IL1RL1: variants seen among roughly 807,000 people sequenced by gnomAD.
IL1RL1 encodes interleukin 1 receptor like 1.
Under a neutral mutation model 50.9 loss-of-function variants are expected in IL1RL1, and 32 were observed. The observed-to-expected ratio is 0.63, with a 90% CI of 0.47 to 0.84. The LOEUF is 0.84. IL1RL1 is among the 40% of genes least tolerant of loss of function. The pLI is 0.00. For missense variants in IL1RL1, 773 were observed against 662.9 expected (o/e 1.17, Z -1.82); for synonymous variants, 275 against 236.0 (o/e 1.17, Z -1.51).
At chr2:102,329,756 C>CATCAGAGAAATGCA (rs1677120873) in intron 1 of IL1RL1, among the ~76,000 whole-genome samples, 1 of 152,146 alleles carries the variant, frequency 6.6e-6, no homozygotes, top group Non-Finnish European at 1.5e-5. Context: ...CATCACTGGC[C>CATCAGAGAAATGCA]ATCAGAGAAA....
intron 1 of IL1RL1, among the ~76,000 whole-genome samples, chr2:102,327,991 C>G (rs2104971486): frequency 6.6e-6 from 1 of 152,322 alleles, no homozygotes; most frequent in East Asian, 1.9e-4. Context: ...GGGAATCCTC[C>G]CTAACGCATT....
intron 1 of IL1RL1, among the ~76,000 whole-genome samples, chr2:102,313,920 A>G (rs10189202): frequency 0.48 from 72,727 of 152,046 alleles, 17,689 homozygotes; most frequent in Middle Eastern, 0.63. Flanking sequence ...TTCTAGAACA[A>G]AAATCTAACA....
chr2:102,343,661 A>G, intron 8 of IL1RL1: 1 of 1,390,776 alleles, frequency 7.2e-7, no homozygotes, highest in East Asian at 2.6e-5. Flanking sequence ...TGTCTAGAAC[A>G]CTCAGCTGCT....
chr2:102,322,413 C>A (rs898640641), intron 1 of IL1RL1, among the ~76,000 whole-genome samples: 5 of 152,120 alleles, frequency 3.3e-5, no homozygotes, highest in Non-Finnish European at 2.9e-5. Flanking sequence ...TGATCGAAAC[C>A]AGAATTATTC....
At chr2:102,348,975 A>G (rs1677858991) in intron 9 of IL1RL1, 104 bp from the exon 10 acceptor site, 6 of 804,264 alleles carry the variant, frequency 7.5e-6, no homozygotes, top group Non-Finnish European at 1.3e-5. Context: ...AGGATGACAT[A>G]CATTCACCAA....
At chr2:102,348,544 T>C (rs535657741) in intron 9 of IL1RL1, among the ~76,000 whole-genome samples, 1 of 152,196 alleles carries the variant, frequency 6.6e-6, no homozygotes, top group Non-Finnish European at 1.5e-5. Context: ...CACAAGCATG[T>C]GCATGAAAGG....
At chr2:102,338,093 G>GT (rs1677393931) in intron 1 of IL1RL1, 23 bp from the exon 2 acceptor site, 1 of 434,214 alleles carries the variant, frequency 2.3e-6, no homozygotes, top group African/African-American at 2.1e-5. Context: ...TCTGTTTATG[G>GT]TTTTGTCTAA....
At chr2:102,311,968 A>AT (rs1553659786) in intron 1 of IL1RL1, among the ~76,000 whole-genome samples, 7 of 27,662 alleles carry the variant, frequency 2.5e-4, no homozygotes, top group South Asian at 7.1e-4. Context: ...TATTATATAT[A>AT]ATATTATATA....
chr2:102,342,103 T>C lies in IL1RL1; in HGVS notation c.611-120T>C, dbSNP rs377288461. ...TGTGTGTGTGTTTGTCATTATGGGT[T>C]ATTGTCAGAAGAACTTGAAAAACAT... On this transcript the variant is annotated intron_variant, in intron 5 of 10. Coordinates refer to ENST00000233954, the MANE Select transcript of IL1RL1 (RefSeq NM_016232.5). 2.9e-4 allele frequency: 175 copies of C among 602,946 alleles called. 2 individuals carry two copies. The East Asian group carries it at 4.3e-3, about 15-fold the overall frequency. 37.3% of individuals were successfully genotyped at this position (602,946 alleles called of 1,614,324 possible).
intron 1 of IL1RL1, among the ~76,000 whole-genome samples, chr2:102,312,002 T>TATATAATATATA (rs796738532): frequency 2.5e-4 from 7 of 28,534 alleles, no homozygotes; most frequent in African/African-American, 8.9e-4. Flanking sequence ...ATATAATATA[T>TATATAATATATA]TTATATATAT....
chr2:102,318,893 C>T (rs115550781), intron 1 of IL1RL1, among the ~76,000 whole-genome samples: 1 of 152,112 alleles, frequency 6.6e-6, no homozygotes, highest in Non-Finnish European at 1.5e-5. Context: ...ATAATTTAAA[C>T]TAATTATTAA....
intron 1 of IL1RL1, among the ~76,000 whole-genome samples, chr2:102,314,415 G>A (rs1390756469): frequency 2.6e-5 from 4 of 152,200 alleles, no homozygotes; most frequent in Non-Finnish European, 5.9e-5. Flanking sequence ...TGAGCCCTGG[G>A]TAGAAAGGGA....
chr2:102,340,770 A>G lies in IL1RL1; in HGVS notation c.552A>G (p.Ile184Met). 1.9e-6 allele frequency: 3 copies of G among 1,591,726 alleles called. No homozygotes were observed. The highest frequency in any genetic ancestry group is 2.6e-6 in the Non-Finnish European group (3 of 1,173,538). Residue 184 changes from isoleucine to methionine, a missense_variant, in exon 5 of 11, where the codon ATA becomes ATG. Physicochemically the swap from Ile to Met is conservative, Grantham distance 10 (BLOSUM62 1). Coordinates refer to ENST00000233954, the MANE Select transcript of IL1RL1 (RefSeq NM_016232.5). ...CAGGTGATTACACCTGTAAATTTATACACAATGAAAATGGAGCCAATTATA... is the reference window on the plus strand; with the variant it reads ...CAGGTGATTACACCTGTAAATTTATGCACAATGAAAATGGAGCCAATTATA... ...EDAGDYTCKF[I>M]HNENGANYSV...
chr2:102,334,419 A>G (rs374715078), intron 1 of IL1RL1, among the ~76,000 whole-genome samples: 11 of 152,204 alleles, frequency 7.2e-5, no homozygotes, highest in African/African-American at 2.6e-4. Flanking sequence ...CCACAGCTAC[A>G]CAGCTAATGG....
intron 8 of IL1RL1, chr2:102,345,624 T>A: frequency 1.0e-6 from 1 of 985,394 alleles, no homozygotes; most frequent in Non-Finnish European, 1.2e-6. Flanking sequence ...TCGTGGCAGG[T>A]CTCTGCCTGA....
intron 1 of IL1RL1, among the ~76,000 whole-genome samples, chr2:102,314,628 A>G (rs1676620338): frequency 6.6e-6 from 1 of 152,226 alleles, no homozygotes; most frequent in Non-Finnish European, 1.5e-5. Context: ...TTTTGAGCCC[A>G]TTCTATGATT....
rs887811769 is a variant in IL1RL1, at chr2:102,339,020, C to G, written c.245C>G (p.Ser82Cys). 3 of 1,613,570 alleles carry G rather than the reference C, an allele frequency of 1.9e-6. No individual in the cohort carries two copies. Among genetic ancestry groups the G allele is most frequent in the Admixed American group, 3.3e-5 (2 of 60,012 alleles). The change falls in exon 3 of 11, where the codon TCT (serine) becomes TGT (cysteine). Residue 82 changes from serine (S) to cysteine (C), a missense_variant. Transcript: ENST00000233954. ...TTTCTACCAGCTGCAGTTGCTGATTCTGGTATTTATACCTGTATTGTCAGA... is the reference window on the plus strand; with the variant it reads ...TTTCTACCAGCTGCAGTTGCTGATTGTGGTATTTATACCTGTATTGTCAGA... ...LKFLPAAVAD[S>C]GIYTCIVRSP...
intron 8 of IL1RL1, 168 bp downstream of exon 8, chr2:102,343,583 C>T: frequency 2.7e-6 from 4 of 1,496,594 alleles, no homozygotes; most frequent in Non-Finnish European, 3.5e-6. Flanking sequence ...GTAGACTGTT[C>T]CTGTTTGCTG....
intron 1 of IL1RL1, among the ~76,000 whole-genome samples, chr2:102,331,344 G>A (rs906782764): frequency 1.3e-5 from 2 of 152,200 alleles, no homozygotes; most frequent in South Asian, 2.1e-4. Flanking sequence ...AATAAAGGAC[G>A]ACAAATGCAG....
Sources: allele counts gnomAD v4.1 joint callset (sites outside exome capture counted in the v4.1 genomes callset), GRCh38; gene constraint gnomAD v4.1.1; transcripts MANE v1.5; gene names NCBI Gene and HGNC (gene_info 2026-07-23, HGNC 2026-07-21).